FGF14: variants seen among roughly 807,000 people sequenced by gnomAD.
FGF14 encodes fibroblast growth factor homologous factor 4.
A neutral mutation model predicts 25.5 loss-of-function variants in FGF14; 5 were observed. The observed-to-expected ratio is 0.20, with a 90% confidence interval of 0.10 to 0.41. FGF14 has a LOEUF of 0.41. Among genes scored for constraint, FGF14 ranks in the 10% least tolerant of loss-of-function variants. The pLI, the probability that FGF14 is intolerant of heterozygous loss-of-function variation, is 1.00. For synonymous variants in FGF14, 138 were observed against 118.3 expected (o/e 1.17, Z -1.08); for missense variants, 222 against 320.1 (o/e 0.69, Z 2.34).
intron 2 of FGF14, among the ~76,000 whole-genome samples, chr13:101,871,272 A>C (rs1009620475): frequency 6.6e-6 from 1 of 152,152 alleles, no homozygotes; most frequent in African/African-American, 2.4e-5. Flanking sequence ...AGTTCTTCAT[A>C]TAACAGTGAT....
At chr13:102,324,915 A>G (rs577115648) in intron 1 of FGF14, among the ~76,000 whole-genome samples, 1 of 152,222 alleles carries the variant, frequency 6.6e-6, no homozygotes, top group South Asian at 2.1e-4. Flanking sequence ...CCATTAATTG[A>G]TATTTGTTTT....
intron 1 of FGF14, among the ~76,000 whole-genome samples, chr13:102,218,044 G>C (rs575989007): frequency 6.6e-6 from 1 of 152,054 alleles, no homozygotes; most frequent in East Asian, 1.9e-4. Flanking sequence ...TTCAAGAGAG[G>C]ACTCTCTCTT....
intron 1 of FGF14, among the ~76,000 whole-genome samples, chr13:101,883,415 T>G (rs1023081001): frequency 2.0e-5 from 3 of 152,224 alleles, no homozygotes; most frequent in Admixed American, 6.5e-5. Flanking sequence ...AAGCATGTTT[T>G]CAAATGCCAA....
intron 3 of FGF14, among the ~76,000 whole-genome samples, chr13:101,785,850 A>G (rs2039792030): frequency 6.6e-6 from 1 of 152,194 alleles, no homozygotes; most frequent in Non-Finnish European, 1.5e-5. Context: ...TGTATTCTCA[A>G]TGTTTTAATA....
chr13:102,164,633 C>G (rs767164325), intron 1 of FGF14, among the ~76,000 whole-genome samples: 1 of 152,142 alleles, frequency 6.6e-6, no homozygotes, highest in Non-Finnish European at 1.5e-5. Context: ...CCTACATAAT[C>G]TTTGGGACAG....
At chr13:102,226,009 A>G (rs530595192) in intron 1 of FGF14, among the ~76,000 whole-genome samples, 1 of 152,314 alleles carries the variant, frequency 6.6e-6, no homozygotes, top group Admixed American at 6.5e-5. Flanking sequence ...GTTCTTGGCA[A>G]CTTCAGTTGA....
intron 1 of FGF14, among the ~76,000 whole-genome samples, chr13:102,044,451 G>A (rs1414473494): frequency 1.3e-5 from 2 of 151,918 alleles, no homozygotes; most frequent in Non-Finnish European, 2.9e-5. Context: ...TGTCCTTCAT[G>A]TTCAACCTAA....
intron 1 of FGF14, among the ~76,000 whole-genome samples, chr13:101,938,226 C>T (rs1489569125): frequency 6.6e-6 from 1 of 152,152 alleles, no homozygotes; most frequent in Non-Finnish European, 1.5e-5. Context: ...GAATAAAAAG[C>T]ACCATCCCCT....
chr13:101,792,560 T>C (rs1428890400), intron 3 of FGF14, among the ~76,000 whole-genome samples: 1 of 152,176 alleles, frequency 6.6e-6, no homozygotes, highest in Non-Finnish European at 1.5e-5. Flanking sequence ...AAAAGGGTTA[T>C]TGATTTATGC....
chr13:101,903,072 G>A (rs1215912558), intron 1 of FGF14, among the ~76,000 whole-genome samples: 3 of 151,962 alleles, frequency 2.0e-5, no homozygotes, highest in Non-Finnish European at 4.4e-5. Context: ...TTTGTATATT[G>A]CTCTTTTCCA....
chr13:101,892,612 G>A (rs774968054), intron 1 of FGF14, among the ~76,000 whole-genome samples: 1 of 152,288 alleles, frequency 6.6e-6, no homozygotes, highest in South Asian at 2.1e-4. Flanking sequence ...CAAGGAGGTA[G>A]TTTGTCCCAT....
chr13:101,766,953 C>T (rs2038443730), intron 3 of FGF14, among the ~76,000 whole-genome samples: 1 of 152,094 alleles, frequency 6.6e-6, no homozygotes, highest in African/African-American at 2.4e-5. Flanking sequence ...AGGTAGTTTT[C>T]CTGTATTATG....
chr13:102,067,704 G>C (rs1219293829), intron 1 of FGF14, among the ~76,000 whole-genome samples: 1 of 150,846 alleles, frequency 6.6e-6, no homozygotes, highest in African/African-American at 2.4e-5. Flanking sequence ...TTAAAGAGGA[G>C]AGACAGAGAG....
chr13:101,722,830 G>C lies in FGF14; in HGVS notation c.*1C>G. 1 of 1,613,166 alleles carries C rather than the reference G, an allele frequency of 6.2e-7. No individual in the cohort carries two copies. The highest frequency in any genetic ancestry group is 2.2e-5 in the East Asian group (1 of 44,848). Reference sequence around the variant, plus strand: ...AAGTCACAACACCTGTGAGGATCTGGCTATGTTGTCTTACTCTTGTTGACT... The same window carrying C: ...AAGTCACAACACCTGTGAGGATCTGCCTATGTTGTCTTACTCTTGTTGACT... On this transcript the variant is annotated 3_prime_UTR_variant, in exon 5 of 5. Coordinates refer to ENST00000376143, the MANE Select transcript of FGF14 (RefSeq NM_004115.4).
At chr13:102,309,636 C>T (rs191230301) in intron 1 of FGF14, among the ~76,000 whole-genome samples, 3 of 152,256 alleles carry the variant, frequency 2.0e-5, no homozygotes, top group African/African-American at 4.8e-5. Context: ...ATGCAAAAAT[C>T]GGATGAGCAC....
At chr13:102,093,622 T>C (rs1054444201) in intron 1 of FGF14, among the ~76,000 whole-genome samples, 1 of 152,146 alleles carries the variant, frequency 6.6e-6, no homozygotes. Context: ...TTTAATGCAA[T>C]AGCATAAACC....
At chr13:101,784,686 T>C (rs2039701896) in intron 3 of FGF14, among the ~76,000 whole-genome samples, 1 of 152,212 alleles carries the variant, frequency 6.6e-6, no homozygotes, top group African/African-American at 2.4e-5. Context: ...CCCATTCTTA[T>C]CTAATCTTTC....
At chr13:102,212,732 T>A (rs1164785949) in intron 1 of FGF14, among the ~76,000 whole-genome samples, 3 of 152,088 alleles carry the variant, frequency 2.0e-5, no homozygotes, top group African/African-American at 7.2e-5. Context: ...GGCAAATAAC[T>A]CTCTACCTCT....
intron 1 of FGF14, among the ~76,000 whole-genome samples, chr13:102,032,985 A>T (rs754038574): frequency 1.3e-5 from 2 of 152,098 alleles, no homozygotes; most frequent in Non-Finnish European, 2.9e-5. Flanking sequence ...GATAAACTTC[A>T]TGACAACAAT....
Sources: gnomAD v4.1 joint callset for allele counts (sites outside exome capture counted in the v4.1 genomes callset) on GRCh38, gnomAD v4.1.1 for gene constraint, MANE v1.5 for transcripts, NCBI Gene and HGNC (gene_info 2026-07-23, HGNC 2026-07-21) for gene names.